Variants in TPO observed in about 807,000 individuals in gnomAD.
The protein encoded by TPO is thyroid peroxidase.
A neutral mutation model predicts 96.9 loss-of-function variants in TPO; 78 were observed. The observed-to-expected ratio is 0.81, with a 90% CI of 0.67 to 0.97. TPO has a LOEUF of 0.97. TPO is among the 50% of genes least tolerant of loss of function. TPO has a pLI of 0.00. For missense variants in TPO, 1,252 were observed against 1,274.8 expected, an observed-to-expected ratio of 0.98 and a Z score of 0.27; for synonymous variants, 547 against 538.0, an observed-to-expected ratio of 1.02 and a Z score of -0.23.
At chr2:1,465,903 C>G (rs4927584) in intron 7 of TPO, among the ~76,000 whole-genome samples, 99,364 of 151,960 alleles carry the variant, frequency 0.65, 33,148 homozygotes, top group African/African-American at 0.79. Context: ...TTGTCTGATT[C>G]CTCTGGCTAG....
chr2:1,476,008 C>A (rs745715436), intron 7 of TPO, among the ~76,000 whole-genome samples: 1 of 152,216 alleles, frequency 6.6e-6, no homozygotes, highest in Non-Finnish European at 1.5e-5. Flanking sequence ...TCTCCCTGCA[C>A]CGCACGGCAC....
intron 1 of TPO, among the ~76,000 whole-genome samples, chr2:1,390,965 T>C (rs1277075876): frequency 6.6e-6 from 1 of 152,232 alleles, no homozygotes; most frequent in Non-Finnish European, 1.5e-5. Flanking sequence ...AAAAATTTTC[T>C]CCCATTCTGT....
At chr2:1,521,272 C>T (rs946311092) in intron 15 of TPO, among the ~76,000 whole-genome samples, 13 of 152,222 alleles carry the variant, frequency 8.5e-5, no homozygotes, top group African/African-American at 2.4e-5. Context: ...TTGTTCCCTC[C>T]TGCACCTTCC....
In TPO at chr2:1,414,508, T is replaced by C. The variant is rs1012636422; in HGVS notation, c.94+6T>C. On this transcript the variant is annotated splice_donor_region_variant and intron_variant, in intron 2 of 16. Transcript: ENST00000329066. ...AGGGAAAGAACTCCTTTGGGGTAAG[T>C]AGCAAACACATTGCGGTCTTCTGGC... 3.7e-6 allele frequency: 6 copies of C among 1,613,432 alleles called. No homozygotes were observed. The Admixed American group carries it at 1.0e-4, about 27-fold the overall frequency.
chr2:1,380,304 G>C (rs1293321653), intron 1 of TPO, among the ~76,000 whole-genome samples: 2 of 150,092 alleles, frequency 1.3e-5, no homozygotes, highest in African/African-American at 4.9e-5. Context: ...TGAGGCAGGA[G>C]AATGGCATGA....
At chr2:1,483,388 C>T (rs1364336976) in intron 8 of TPO, among the ~76,000 whole-genome samples, 1 of 152,134 alleles carries the variant, frequency 6.6e-6, no homozygotes, top group African/African-American at 2.4e-5. Context: ...TGTCTCAGTC[C>T]CTGGGCTAAA....
At chr2:1,494,088 G>A (rs1465962757) in intron 11 of TPO, 49 bp downstream of exon 11, 5 of 1,586,002 alleles carry the variant, frequency 3.2e-6, no homozygotes, top group Non-Finnish European at 4.3e-6. Flanking sequence ...ACAGAGGCAG[G>A]TGGTCTGCGT....
intron 4 of TPO, among the ~76,000 whole-genome samples, chr2:1,434,772 T>A (rs1665390701): frequency 6.6e-6 from 1 of 152,230 alleles, no homozygotes; most frequent in Admixed American, 6.5e-5. Context: ...ATTTCCGTTG[T>A]AAGTATAGCC....
intron 1 of TPO, among the ~76,000 whole-genome samples, chr2:1,400,568 C>CAAAAAAAAAAAAAAAAAAAAAAAAAAAA (rs34242408): frequency 1.4e-5 from 1 of 71,608 alleles, no homozygotes; most frequent in African/African-American, 5.5e-5. Flanking sequence ...GACTCTGTCT[C>CAAAAAAAAAAAAAAAAAAAAAAAAAAAA]AAAAAAAAAA....
chr2:1,388,182 G>C (rs1404693673), intron 1 of TPO, among the ~76,000 whole-genome samples: 1 of 152,204 alleles, frequency 6.6e-6, no homozygotes, highest in Non-Finnish European at 1.5e-5. Context: ...GAGGCAGTCT[G>C]TCCGTTCTCA....
chr2:1,410,039 G>C (rs753470630), upstream of TPO, among the ~76,000 whole-genome samples: 1 of 152,034 alleles, frequency 6.6e-6, no homozygotes, highest in Non-Finnish European at 1.5e-5. Flanking sequence ...GAGGGTTTCA[G>C]TTGCAGGATA....
At chr2:1,482,039 A>G (rs2148696078) in intron 8 of TPO, among the ~76,000 whole-genome samples, 1 of 152,312 alleles carries the variant, frequency 6.6e-6, no homozygotes, top group South Asian at 2.1e-4. Flanking sequence ...CAGCAAGCAT[A>G]TGGGAGCCTC....
At chr2:1,538,999 T>TA (rs1680407455) in intron 15 of TPO, among the ~76,000 whole-genome samples, 1 of 152,136 alleles carries the variant, frequency 6.6e-6, no homozygotes, top group African/African-American at 2.4e-5. Flanking sequence ...CAAATGCCCC[T>TA]ATTCCTATAA....
Position 1,496,497 on chromosome 2 carries a change from G to A in TPO, c.2216-98G>A, listed in dbSNP as rs573509899. On this transcript the variant is annotated intron_variant, in intron 12 of 16. Transcript: ENST00000329066. ...GCAGGGCTCCCCGGCCCTGGCACCA[G>A]CCCCTCCAGGGCACAAGCGCACCCG... The A allele has an allele frequency of 8.9e-5, 137 of 1,546,918 alleles. 4 individuals are homozygous for A. In the South Asian group the frequency reaches 1.3e-3, roughly 15 times the overall value.
chr2:1,438,576 C>T (rs1367864884), intron 5 of TPO, among the ~76,000 whole-genome samples: 1 of 146,882 alleles, frequency 6.8e-6, no homozygotes, highest in African/African-American at 2.5e-5. Flanking sequence ...CCACCCCCCA[C>T]CCACCCCCAC....
At chr2:1,527,938 C>CCCCCACTGTGAGCAACCTCCTCAAATA (rs1677007452) in intron 15 of TPO, among the ~76,000 whole-genome samples, 1 of 139,304 alleles carries the variant, frequency 7.2e-6, no homozygotes, top group Admixed American at 7.2e-5. Context: ...TCCTCAAATC[C>CCCCCACTGTGAGCAACCTCCTCAAATA]CCCCACTGCG....
chr2:1,537,067 A>C (rs1268840251), intron 15 of TPO, among the ~76,000 whole-genome samples: 4 of 78,074 alleles, frequency 5.1e-5, no homozygotes, highest in Non-Finnish European at 5.2e-5. Context: ...AATCCCTGCC[A>C]CTGTGTGCAA....
chr2:1,390,693 T>G (rs527425669), intron 1 of TPO, among the ~76,000 whole-genome samples: 18 of 152,354 alleles, frequency 1.2e-4, no homozygotes, highest in African/African-American at 4.3e-4. Context: ...CAGCATCTGT[T>G]GTTTCCTAAC....
At chr2:1,524,637 T>TC (rs1676008859) in intron 15 of TPO, among the ~76,000 whole-genome samples, 2 of 44,960 alleles carry the variant, frequency 4.4e-5, no homozygotes, top group African/African-American at 9.0e-5. Flanking sequence ...CAAATCCCCC[T>TC]ACTGCCTGCA....
Sources: gnomAD v4.1 joint callset for allele counts (sites outside exome capture counted in the v4.1 genomes callset) on GRCh38, gnomAD v4.1.1 for gene constraint, MANE v1.5 for transcripts, NCBI Gene and HGNC (gene_info 2026-07-23, HGNC 2026-07-21) for gene names.